The following CARNMT1 variants were observed in gnomAD, a reference collection of about 807,000 sequenced individuals.
CARNMT1 encodes carnosine N-methyltransferase 1.
Under a neutral mutation model 49.6 loss-of-function variants are expected in CARNMT1, and 28 were observed. The observed-to-expected ratio is 0.56, with a 90% CI of 0.42 to 0.77. CARNMT1 has a LOEUF of 0.77. Among genes scored for constraint, CARNMT1 ranks in the 30% least tolerant of loss-of-function variants. The probability of loss-of-function intolerance (pLI) is 0.00; values close to 1 mark genes in which losing one functional copy is unlikely to be tolerated. For missense variants in CARNMT1, 421 were observed against 512.6 expected (o/e 0.82, Z 1.73); for synonymous variants, 178 against 175.0 (o/e 1.02, Z -0.13).
intron 1 of CARNMT1, among the ~76,000 whole-genome samples, chr9:75,018,948 C>G (rs1368414895): frequency 7.9e-6 from 1 of 127,372 alleles, no homozygotes. Context: ...GCCTGGGCGA[C>G]AGAGTGAGAC....
intron 2 of CARNMT1, chr9:75,016,707 G>A (rs902973938): frequency 3.1e-5 from 11 of 349,906 alleles, no homozygotes; most frequent in African/African-American, 2.3e-4. Flanking sequence ...CTGCTATGGA[G>A]ACCGAACATC....
intron 3 of CARNMT1, among the ~76,000 whole-genome samples, chr9:75,002,064 T>C (rs910418881): frequency 1.3e-5 from 2 of 152,196 alleles, no homozygotes; most frequent in African/African-American, 2.4e-5. Flanking sequence ...TTTACTACAA[T>C]GTGACCTCCC....
chr9:75,010,078 T>C (rs924864662), intron 3 of CARNMT1: 1 of 132,560 alleles, frequency 7.5e-6, no homozygotes, highest in Admixed American at 7.9e-5. Flanking sequence ...GTATAAGAGA[T>C]AAAAAAAACT....
Position 75,016,581 on chromosome 9 carries a change from A to T in CARNMT1, c.427-150T>A, listed in dbSNP as rs1833860297. On this transcript the variant is annotated intron_variant, in intron 2 of 7. Coordinates refer to ENST00000376834, the MANE Select transcript of CARNMT1 (RefSeq NM_152420.3). ...AACTGGGGTTCAAGTGCAGCTTGAG[A>T]TCCTAAATGAAAAGAGTTTGGTGGT... 6.1e-6 allele frequency: 4 copies of T among 657,910 alleles called. No homozygotes were observed. The Admixed American group carries it at 9.0e-5, about 15-fold the overall frequency. The allele number at this position is 657,910 out of a possible 1,614,324, so 40.8% of individuals were successfully genotyped here.
At chr9:75,002,844 G>A (rs113126991) in intron 3 of CARNMT1, among the ~76,000 whole-genome samples, 1,589 of 152,148 alleles carry the variant, frequency 0.01, 30 homozygotes, top group African/African-American at 0.036. Flanking sequence ...AGGCTCAGAC[G>A]ATCCTCCTGC....
chr9:75,013,016 A>G (rs1462507007), intron 3 of CARNMT1, among the ~76,000 whole-genome samples: 1 of 152,154 alleles, frequency 6.6e-6, no homozygotes, highest in Non-Finnish European at 1.5e-5. Flanking sequence ...GAGCTATTTC[A>G]ACTGATACTT....
chr9:75,028,401 C>G, upstream of CARNMT1: 1 of 1,292,310 alleles, frequency 7.7e-7, no homozygotes, highest in Non-Finnish European at 9.7e-7. Context: ...CCGCGCTGGG[C>G]TCCGCCAGGT....
At chr9:74,993,142 T>C (rs201688538) in intron 6 of CARNMT1, among the ~76,000 whole-genome samples, 2 of 152,202 alleles carry the variant, frequency 1.3e-5, no homozygotes, top group East Asian at 1.9e-4. Flanking sequence ...TCTTTGCCCT[T>C]ATGGAGCTTA....
At chr9:75,016,633 G>A (rs949750679) in intron 2 of CARNMT1, 10 of 529,670 alleles carry the variant, frequency 1.9e-5, no homozygotes, top group Non-Finnish European at 3.0e-5. Flanking sequence ...AAAGATTAAG[G>A]TCCATTAATC....
upstream of CARNMT1, chr9:75,028,398 G>A (rs921095406): frequency 2.3e-6 from 3 of 1,292,588 alleles, no homozygotes; most frequent in Admixed American, 8.5e-5. Context: ...CATCCGCGCT[G>A]GGCTCCGCCA....
intron 1 of CARNMT1, among the ~76,000 whole-genome samples, chr9:75,017,944 A>G (rs1001027109): frequency 1.3e-5 from 2 of 152,166 alleles, no homozygotes; most frequent in African/African-American, 4.8e-5. Context: ...TTAAAATTCT[A>G]TAGTGTTTTA....
Position 75,025,235 on chromosome 9 carries a change from G to A in CARNMT1, c.230+2777C>T, listed in dbSNP as rs374337583. 1.3e-4 allele frequency among the ~76,000 whole-genome samples: 20 copies of A among 152,260 alleles called. No homozygotes were observed. In the East Asian group the frequency reaches 3.3e-3, roughly 25 times the overall value. ...ATATGGGACCCATGGTGTTATTTAA[G>A]GTTTATGGTATTGCATTAAATTTGA... On this transcript the variant is annotated intron_variant, in intron 1 of 7. Transcript: ENST00000376834.
chr9:74,998,753 T>C lies in CARNMT1; in HGVS notation c.755A>G (p.Lys252Arg). The part of the protein sequence containing the change: ...LNRCSEINKY[K>R]LYPWIHQFSN... ...AAACTGATGGATCCAAGGATAAAGTTTATATTTATTAATTTCAGAACATCT... is the reference window on the plus strand; with the variant it reads ...AAACTGATGGATCCAAGGATAAAGTCTATATTTATTAATTTCAGAACATCT... The change falls in exon 5 of 8, where the codon AAA becomes AGA. Residue 252 changes from lysine to arginine, a missense_variant. Lys to Arg is a conservative substitution (Grantham distance 26, BLOSUM62 2). This residue lies in a region of CARNMT1 where 235 missense variants were observed against 344.8 expected (regional missense o/e 0.68). Transcript: ENST00000376834. 1 of 1,530,274 alleles carries C rather than the reference T, an allele frequency of 6.5e-7. No homozygotes were observed. The highest frequency in any genetic ancestry group is 8.8e-7 in the Non-Finnish European group (1 of 1,134,834). 94.8% of individuals were successfully genotyped at this position (1,530,274 alleles called of 1,614,324 possible).
At chr9:75,008,168 TAAAAAAAAAAAAAAAA>T (rs71368697) in intron 3 of CARNMT1, among the ~76,000 whole-genome samples, 11 of 48,716 alleles carry the variant, frequency 2.3e-4, no homozygotes, top group African/African-American at 1.0e-3. Context: ...GCTGATGAGC[TAAAAAAAAAAAAAAAA>T]AAAAAAAAAA....
At chr9:75,008,281 C>T (rs1347647155) in intron 3 of CARNMT1, among the ~76,000 whole-genome samples, 1 of 151,142 alleles carries the variant, frequency 6.6e-6, no homozygotes, top group Non-Finnish European at 1.5e-5. Context: ...CCACTGGCCA[C>T]GGGTTGGACA....
intron 6 of CARNMT1, among the ~76,000 whole-genome samples, chr9:74,995,031 A>T (rs1287108080): frequency 6.6e-6 from 1 of 152,162 alleles, no homozygotes; most frequent in Non-Finnish European, 1.5e-5. Context: ...GTATTATATA[A>T]CTTAATAAAA....
chr9:74,999,360 T>C (rs953770515), intron 4 of CARNMT1, among the ~76,000 whole-genome samples: 2 of 152,212 alleles, frequency 1.3e-5, no homozygotes, highest in African/African-American at 4.8e-5. Context: ...GAAAAAGTTA[T>C]AATTGCTAAA....
chr9:74,985,224 C>T (rs961510198), intron 6 of CARNMT1, among the ~76,000 whole-genome samples: 2 of 152,216 alleles, frequency 1.3e-5, no homozygotes, highest in African/African-American at 4.8e-5. Context: ...GGCATACCTG[C>T]CTTGCACTGT....
In CARNMT1 at chr9:75,005,659, G is replaced by A. The variant is rs549287457; in HGVS notation, c.591-5789C>T. On this transcript the variant is annotated intron_variant, in intron 3 of 7. Coordinates refer to ENST00000376834, the MANE Select transcript of CARNMT1 (RefSeq NM_152420.3). ...GGCTAATTTTTTTGTATTTTTAGTA[G>A]AGACAGGGTTTCACCGTGTTAGCCA... 7.2e-5 allele frequency among the ~76,000 whole-genome samples: 11 copies of A among 151,816 alleles called. No homozygotes were observed. The East Asian group carries it at 2.1e-3, about 30-fold the overall frequency.
Sources: gnomAD v4.1 joint callset for allele counts (sites outside exome capture counted in the v4.1 genomes callset) on GRCh38, gnomAD v4.1.1 for gene constraint, gnomAD v4.1.1 regional missense constraint, MANE v1.5 for transcripts, NCBI Gene and HGNC (gene_info 2026-07-23, HGNC 2026-07-21) for gene names.